The following DCDC2 variants were observed in gnomAD, a reference collection of about 807,000 sequenced individuals.
DCDC2 encodes doublecortin domain-containing protein 2.
Under a neutral mutation model 50.2 loss-of-function variants are expected in DCDC2, and 40 were observed. That is an observed-to-expected ratio of 0.80 (90% CI 0.62 to 1.04). The LOEUF is 1.04. Ranked by LOEUF, DCDC2 falls within the 50% of genes least tolerant of loss-of-function variation. DCDC2 has a pLI of 0.00. For synonymous variants in DCDC2, 234 were observed against 210.6 expected (o/e 1.11, Z -0.96); for missense variants, 570 against 581.9 (o/e 0.98, Z 0.21).
chr6:24,341,520 A>T (rs561371778), intron 2 of DCDC2, among the ~76,000 whole-genome samples: 200 of 151,140 alleles, frequency 1.3e-3, no homozygotes, highest in Middle Eastern at 3.4e-3. Flanking sequence ...CCTTTTTTTA[A>T]AAAAAAAAAA....
intron 2 of DCDC2, among the ~76,000 whole-genome samples, chr6:24,325,919 C>G (rs1759850282): frequency 6.7e-6 from 1 of 149,198 alleles, no homozygotes; most frequent in South Asian, 2.2e-4. Flanking sequence ...TCTGTTCTTA[C>G]TACCATAATA....
intron 2 of DCDC2, among the ~76,000 whole-genome samples, chr6:24,327,638 T>C (rs1473692366): frequency 1.3e-5 from 2 of 151,870 alleles, no homozygotes; most frequent in Non-Finnish European, 2.9e-5. Context: ...CACACCCGGC[T>C]AATTTTTGTA....
At chr6:24,328,673 C>A (rs1203706980) in intron 2 of DCDC2, among the ~76,000 whole-genome samples, 1 of 152,148 alleles carries the variant, frequency 6.6e-6, no homozygotes, top group East Asian at 1.9e-4. Context: ...CACTGAACTA[C>A]TGATTTTTCG....
At chr6:24,193,338 A>C (rs1686827136) in intron 8 of DCDC2, among the ~76,000 whole-genome samples, 4 of 152,188 alleles carry the variant, frequency 2.6e-5, no homozygotes, top group Admixed American at 2.6e-4. Flanking sequence ...GAAGCAAAGG[A>C]AATTCTCAAA....
At chr6:24,352,300 T>C (rs548396166) in intron 2 of DCDC2, among the ~76,000 whole-genome samples, 5 of 152,274 alleles carry the variant, frequency 3.3e-5, no homozygotes, top group East Asian at 3.9e-4. Flanking sequence ...CAAGGTAGTA[T>C]ACTTTAAACA....
chr6:24,337,094 A>T (rs1485247887), intron 2 of DCDC2, among the ~76,000 whole-genome samples: 1 of 152,218 alleles, frequency 6.6e-6, no homozygotes, highest in African/African-American at 2.4e-5. Context: ...TTTGCTTAGT[A>T]ACTTGGTAAA....
chr6:24,295,451 T>C (rs58592947), intron 4 of DCDC2, among the ~76,000 whole-genome samples: 17,235 of 152,158 alleles, frequency 0.11, 1,225 homozygotes, highest in East Asian at 0.17. Context: ...CAACATAGTA[T>C]TGGAAGCCCT....
intron 7 of DCDC2, among the ~76,000 whole-genome samples, chr6:24,259,091 TCAGATTTCTAG>T (rs1348645364): frequency 1.3e-5 from 2 of 151,858 alleles, no homozygotes; most frequent in East Asian, 3.9e-4. Flanking sequence ...TGGGTCACAC[TCAGATTTCTAG>T]CTGGGTGATA....
intron 7 of DCDC2, among the ~76,000 whole-genome samples, chr6:24,224,548 C>T (rs1762187967): frequency 6.6e-6 from 1 of 152,164 alleles, no homozygotes; most frequent in Non-Finnish European, 1.5e-5. Context: ...TATGTACACA[C>T]ACATATGTGG....
intron 6 of DCDC2, among the ~76,000 whole-genome samples, chr6:24,286,922 T>C (rs943823851): frequency 2.0e-5 from 3 of 152,198 alleles, no homozygotes; most frequent in Non-Finnish European, 2.9e-5. Context: ...CTGCTGCCTC[T>C]ACCACCTCCC....
At position 24,172,343 on chromosome 6, in the gene DCDC2, T is replaced by C. The variant is rs1210674236; in HGVS notation, c.*2387A>G. On this transcript the variant is annotated 3_prime_UTR_variant, in exon 10 of 10. Coordinates refer to ENST00000378454, the MANE Select transcript of DCDC2 (RefSeq NM_016356.5). Reference sequence around the variant, plus strand: ...AAAATATGCACACACAAGGGATGAATATGTCCCCATTTTTAAGTTTTTTTG... The same window carrying C: ...AAAATATGCACACACAAGGGATGAACATGTCCCCATTTTTAAGTTTTTTTG... The C allele has an allele frequency of 2.0e-5, 3 of 152,218 alleles. No individual in the cohort carries two copies. Among genetic ancestry groups the C allele is most frequent in the Non-Finnish European group, 4.4e-5 (3 of 68,038 alleles). The allele number at this position is 152,218 out of a possible 1,614,324, so 9.4% of individuals were successfully genotyped here.
chr6:24,292,679 GC>G (rs1763776932), intron 4 of DCDC2, among the ~76,000 whole-genome samples: 1 of 152,224 alleles, frequency 6.6e-6, no homozygotes, highest in Admixed American at 6.5e-5. Context: ...ACCAGCCTGG[GC>G]AACATAGTAA....
chr6:24,346,481 C>A (rs1760257108), intron 2 of DCDC2, among the ~76,000 whole-genome samples: 1 of 152,082 alleles, frequency 6.6e-6, no homozygotes, highest in East Asian at 1.9e-4. Context: ...ACAGTCCGGG[C>A]GTGGTGGTTC....
chr6:24,296,247 A>G (rs1321287408), intron 4 of DCDC2, among the ~76,000 whole-genome samples: 3 of 152,232 alleles, frequency 2.0e-5, no homozygotes, highest in African/African-American at 7.2e-5. Context: ...TATTCAATAA[A>G]TGGTGCTGGG....
chr6:24,375,244 C>G, the DCDC2 span, among the ~76,000 whole-genome samples: 4 of 152,254 alleles, frequency 2.6e-5, no homozygotes, highest in East Asian at 7.7e-4. Flanking sequence ...AAACCATATG[C>G]CCAGAGGCCC....
chr6:24,176,670 T>C (rs768597518), intron 9 of DCDC2, among the ~76,000 whole-genome samples: 1 of 152,192 alleles, frequency 6.6e-6, no homozygotes, highest in Non-Finnish European at 1.5e-5. Context: ...TACAATACAT[T>C]GTTATTATAC....
chr6:24,199,060 G>C (rs1177510836), intron 8 of DCDC2, among the ~76,000 whole-genome samples: 3 of 152,356 alleles, frequency 2.0e-5, no homozygotes, highest in East Asian at 3.9e-4. Flanking sequence ...GCACCTGCGG[G>C]AAGCAGCGGC....
rs560479404 is a variant in DCDC2, at chr6:24,320,265, G to A, written c.349-18221C>T. ...ACTGAGGCAGACTAGAATAAACCCC[G>A]TGGTGCTGGAGTAGAACTGGAGGTA... On this transcript the variant is annotated intron_variant, in intron 2 of 9. Transcript: ENST00000378454. Among the ~76,000 whole-genome samples, 7 of 152,282 alleles carry A rather than the reference G, an allele frequency of 4.6e-5. No homozygotes were observed. The South Asian group carries it at 1.0e-3, about 23-fold the overall frequency.
chr6:24,376,383 C>G, the DCDC2 span, among the ~76,000 whole-genome samples: 1 of 152,152 alleles, frequency 6.6e-6, no homozygotes, highest in Non-Finnish European at 1.5e-5. Context: ...AGGACTCTAG[C>G]ATAACCAAGG....
Sources: allele counts gnomAD v4.1 joint callset (sites outside exome capture counted in the v4.1 genomes callset), GRCh38; gene constraint gnomAD v4.1.1; transcripts MANE v1.5; gene names NCBI Gene and HGNC (gene_info 2026-07-23, HGNC 2026-07-21).